FAT4: variants seen among roughly 807,000 people sequenced by gnomAD.
FAT4 encodes protocadherin Fat 4.
Under a neutral mutation model 303.9 loss-of-function variants are expected in FAT4, and 84 were observed. The observed-to-expected ratio is 0.28, with a 90% CI of 0.23 to 0.33. The LOEUF is 0.33. Among genes scored for constraint, FAT4 ranks in the 10% least tolerant of loss-of-function variants. The probability of loss-of-function intolerance (pLI) is 1.00; values close to 1 mark genes in which losing one functional copy is unlikely to be tolerated. For synonymous variants in FAT4, 2,307 were observed against 2,298.8 expected (o/e 1.00, Z -0.10); for missense variants, 6,005 against 6,146.8 (o/e 0.98, Z 0.77).
Position 125,320,403 on chromosome 4 carries a change from G to C in FAT4, c.3992G>C (p.Gly1331Ala), listed in dbSNP as rs1181360277. The C allele has an allele frequency of 1.2e-6, 2 of 1,613,972 alleles. No homozygotes were observed. Among genetic ancestry groups the C allele is most frequent in the Non-Finnish European group, 1.7e-6 (2 of 1,179,914 alleles). The change falls in exon 2 of 18, where the codon GGT becomes GCT. Residue 1331 changes from glycine (G) to alanine (A), a missense_variant. Transcript: ENST00000394329. Reference protein sequence around the residue: ...FVDVLENMRIGELVSSVTATD... With the variant: ...FVDVLENMRIAELVSSVTATD... ...GATGTTTTGGAAAACATGAGAATTG[G>C]TGAACTCGTGTCCTCTGTTACTGCA... is the stretch of plus-strand genomic sequence containing the variant.
chr4:125,488,734 G>A (rs756990680), intron 17 of FAT4, among the ~76,000 whole-genome samples: 2 of 152,080 alleles, frequency 1.3e-5, no homozygotes, highest in African/African-American at 2.4e-5. Context: ...TTGGATGGAT[G>A]GGCTGGAAAT....
chr4:125,450,723 C>T lies in FAT4; in HGVS notation c.9713C>T (p.Ser3238Phe). 1.2e-6 allele frequency: 2 copies of T among 1,614,100 alleles called. No individual in the cohort carries two copies. Among genetic ancestry groups the T allele is most frequent in the Non-Finnish European group, 1.7e-6 (2 of 1,179,998 alleles). ...NAVIAYTVQS[S>F]DSDLFVIDPN... Reference sequence around the variant, plus strand: ...GTGATTGCGTATACTGTACAGTCATCTGACAGTGACCTCTTTGTCATTGAC... The same window carrying T: ...GTGATTGCGTATACTGTACAGTCATTTGACAGTGACCTCTTTGTCATTGAC... Residue 3238 changes from serine (S) to phenylalanine (F), a missense_variant, in exon 10 of 18, where the codon TCT becomes TTT. Coordinates refer to ENST00000394329, the MANE Select transcript of FAT4 (RefSeq NM_001291303.3).
intron 2 of FAT4, among the ~76,000 whole-genome samples, chr4:125,354,571 T>G (rs1412311405): frequency 1.3e-5 from 2 of 151,700 alleles, no homozygotes; most frequent in African/African-American, 4.8e-5. Flanking sequence ...AGGGTTTGCT[T>G]TTCTGAATTC....
intron 15 of FAT4, among the ~76,000 whole-genome samples, chr4:125,480,452 G>T (rs1205541638): frequency 2.0e-5 from 3 of 151,910 alleles, no homozygotes; most frequent in Non-Finnish European, 4.4e-5. Flanking sequence ...TTAGAAAATG[G>T]TGCTCTCTAA....
chr4:125,466,630 G>A (rs1040584587), intron 11 of FAT4, among the ~76,000 whole-genome samples: 2 of 149,766 alleles, frequency 1.3e-5, no homozygotes, highest in African/African-American at 2.4e-5. Flanking sequence ...AGTATATAAT[G>A]TATAAGATTA....
At chr4:125,332,805 T>C (rs894112749) in intron 2 of FAT4, among the ~76,000 whole-genome samples, 4 of 152,240 alleles carry the variant, frequency 2.6e-5, no homozygotes, top group African/African-American at 9.6e-5. Flanking sequence ...ATATAAATTC[T>C]GGTAACTTTT....
Position 125,452,703 on chromosome 4 carries a change from C to T in FAT4, c.11693C>T (p.Ala3898Val), listed in dbSNP as rs138275098. 738 of 1,613,994 alleles carry T rather than the reference C, an allele frequency of 4.6e-4. 3 individuals are homozygous for T. The East Asian group carries it at 0.014, about 30-fold the overall frequency. Residue 3898 changes from alanine to valine, a missense_variant, in exon 10 of 18, where the codon GCG (alanine) becomes GTG (valine). Transcript: ENST00000394329. ...CSCPDGFTGR[A>V]CERDINECLQ... ...TGCCCAGATGGCTTCACTGGTAGGGCGTGTGAGAGAGATATCAATGAGTGC... is the reference window on the plus strand; with the variant it reads ...TGCCCAGATGGCTTCACTGGTAGGGTGTGTGAGAGAGATATCAATGAGTGC...
intron 2 of FAT4, among the ~76,000 whole-genome samples, chr4:125,390,484 T>C (rs938416235): frequency 1.3e-5 from 2 of 152,226 alleles, no homozygotes; most frequent in African/African-American, 4.8e-5. Context: ...CAATTTCAAC[T>C]CCTCACTTGA....
chr4:125,462,923 T>C lies in FAT4; in HGVS notation c.11801-640T>C, dbSNP rs574372621. ...TATTAGTTGATTCAATTTAACAAGA[T>C]CATGTATGAGAAAAGTCTTTATAAA... On this transcript the variant is annotated intron_variant, in intron 10 of 17. Transcript: ENST00000394329. Among the ~76,000 whole-genome samples the C allele has an allele frequency of 7.9e-5, 12 of 152,098 alleles. No homozygotes were observed. The East Asian group carries it at 1.4e-3, about 17-fold the overall frequency.
At chr4:125,379,955 G>A (rs547572466) in intron 2 of FAT4, among the ~76,000 whole-genome samples, 16 of 152,064 alleles carry the variant, frequency 1.1e-4, no homozygotes, top group African/African-American at 3.1e-4. Flanking sequence ...GTGCAGTGGC[G>A]CGATCTGGGC....
rs1161768522 is a variant in FAT4 at position 125,316,209 on chromosome 4, T to A, written c.-12-191T>A. On this transcript the variant is annotated intron_variant, in intron 1 of 17. Coordinates refer to ENST00000394329, the MANE Select transcript of FAT4 (RefSeq NM_001291303.3). The surrounding 1 kb of genome is among the most constrained non-coding windows in gnomAD (Gnocchi z 5.7). The stretch of plus-strand genomic sequence containing the variant: ...CCGCTTTTCGCCACAGCATCTCTCT[T>A]GCACTCCGCGTTCAACTGGCTACCT... Among the ~76,000 whole-genome samples the A allele has an allele frequency of 4.1e-4, 63 of 152,262 alleles. No individual in the cohort carries two copies. Among genetic ancestry groups the A allele is most frequent in the Non-Finnish European group, 5.9e-5 (4 of 68,026 alleles).
rs762212536 is a variant in FAT4 at position 125,318,380 on chromosome 4, C to T, written c.1969C>T (p.Leu657=). ...LDREEQAFYS[L]LVLATDLGSP... ...CAGAGAAGAGCAAGCCTTCTACTCC[C>T]TGTTGGTTCTGGCCACAGATCTGGG... Residue 657 remains leucine (L), a synonymous_variant, in exon 2 of 18, where the codon CTG becomes TTG. Coordinates refer to ENST00000394329, the MANE Select transcript of FAT4 (RefSeq NM_001291303.3). The T allele has an allele frequency of 1.2e-6, 2 of 1,614,184 alleles. No homozygotes were observed. Among genetic ancestry groups the T allele is most frequent in the Non-Finnish European group, 1.7e-6 (2 of 1,180,038 alleles).
chr4:125,430,181 C>T (rs1302830248), intron 7 of FAT4, among the ~76,000 whole-genome samples: 4 of 149,216 alleles, frequency 2.7e-5, no homozygotes, highest in African/African-American at 9.8e-5. Flanking sequence ...AAAGCAAACA[C>T]ACAGACACAG....
intron 7 of FAT4, among the ~76,000 whole-genome samples, chr4:125,419,197 A>G (rs1578622500): frequency 6.6e-6 from 1 of 152,192 alleles, no homozygotes; most frequent in South Asian, 2.1e-4. Flanking sequence ...TCTAGCTATT[A>G]ATGTCAGTCA....
Position 125,452,299 on chromosome 4 carries a change from T to G in FAT4, c.11289T>G (p.Phe3763Leu). 6.2e-7 allele frequency: 1 copy of G among 1,614,250 alleles called. No individual in the cohort carries two copies. The highest frequency in any genetic ancestry group is 2.2e-5 in the East Asian group (1 of 44,882). The stretch of plus-strand genomic sequence containing the variant: ...CATATGAAGAGAACAATAGAACGTT[T>G]CTTTTGGCAGCTGTGAAGCGAAATC... ...YSAYEENNRT[F>L]LLAAVKRNHN... The change falls in exon 10 of 18, where the codon TTT becomes TTG. Residue 3763 changes from phenylalanine (F) to leucine (L), a missense_variant. Phe to Leu is a conservative substitution (Grantham distance 22). Transcript: ENST00000394329.
At chr4:125,440,637 G>GAGAGAGAGAGAGAGAGAGAGA (rs1725629461) in intron 8 of FAT4, among the ~76,000 whole-genome samples, 2 of 150,710 alleles carry the variant, frequency 1.3e-5, no homozygotes, top group African/African-American at 2.4e-5. Context: ...GAGAGAGAGA[G>GAGAGAGAGAGAGAGAGAGAGA]AGAGAGAATT....
chr4:125,348,646 T>A lies in FAT4; in HGVS notation c.5175+27060T>A, dbSNP rs537802821. On this transcript the variant is annotated intron_variant, in intron 2 of 17. Coordinates refer to ENST00000394329, the MANE Select transcript of FAT4 (RefSeq NM_001291303.3). Reference sequence around the variant, plus strand: ...AAATTAATAATCCTGGAAAATATGTTCAGATTAAGTAAATAGTCAAACTTG... The same window carrying A: ...AAATTAATAATCCTGGAAAATATGTACAGATTAAGTAAATAGTCAAACTTG... Among the ~76,000 whole-genome samples the A allele has an allele frequency of 5.2e-4, 79 of 151,692 alleles. 1 individual carries two copies. The highest frequency in any genetic ancestry group is 3.4e-3 in the Middle Eastern group (1 of 294).
intron 3 of FAT4, among the ~76,000 whole-genome samples, chr4:125,399,220 T>C (rs1734294280): frequency 6.6e-6 from 1 of 152,070 alleles, no homozygotes; most frequent in Non-Finnish European, 1.5e-5. Context: ...TTTTATGCCA[T>C]TATTATTCCC....
In FAT4 at chr4:125,414,956, G is replaced by T; in HGVS notation, c.5993G>T (p.Gly1998Val). ...SLGQFTVDKN[G>V]VLKVLKALDR... is the part of the protein sequence containing the mutation. ...GGGCAGTTTACTGTTGACAAGAATG[G>T]TGTACTCAAAGTCCTAAAAGCTTTG... The change falls in exon 6 of 18, where the codon GGT becomes GTT. Residue 1998 changes from glycine to valine, a missense_variant. Gly to Val is a moderately radical substitution (Grantham distance 109). Transcript: ENST00000394329. 6.2e-7 allele frequency: 1 copy of T among 1,613,860 alleles called. No individual in the cohort carries two copies. The highest frequency in any genetic ancestry group is 8.5e-7 in the Non-Finnish European group (1 of 1,179,842).
Sources: allele counts gnomAD v4.1 joint callset (sites outside exome capture counted in the v4.1 genomes callset), GRCh38; gene constraint gnomAD v4.1.1; non-coding constraint Gnocchi (gnomAD v3.1); transcripts MANE v1.5; gene names NCBI Gene and HGNC (gene_info 2026-07-23, HGNC 2026-07-21).